MAP3K5: variants seen among roughly 807,000 people sequenced by gnomAD.
MAP3K5 encodes the protein ASK-1.
MAP3K5 carries 56 observed loss-of-function variants against 158.7 expected under a neutral mutation model. That is an observed-to-expected ratio of 0.35 (90% CI 0.28 to 0.44). The LOEUF (loss-of-function observed/expected upper bound fraction) is 0.44. Ranked by LOEUF, MAP3K5 falls within the 20% of genes least tolerant of loss-of-function variation. MAP3K5 has a pLI of 1.00. For missense variants in MAP3K5, 1,294 were observed against 1,674.8 expected (o/e 0.77, Z 3.97); for synonymous variants, 579 against 601.7 (o/e 0.96, Z 0.55).
At chr6:136,673,234 C>CTTTGT (rs1779561232) in intron 7 of MAP3K5, among the ~76,000 whole-genome samples, 1 of 152,188 alleles carries the variant, frequency 6.6e-6, no homozygotes, top group Non-Finnish European at 1.5e-5. Flanking sequence ...CCCGACTCAA[C>CTTTGT]TGCATTTGTT....
At chr6:136,697,446 C>T in intron 4 of MAP3K5, 59 bp from the exon 5 acceptor site, 1 of 1,400,578 alleles carries the variant, frequency 7.1e-7, no homozygotes, top group Non-Finnish European at 9.8e-7. Context: ...CAATGAAAAG[C>T]AATAATTTTA....
intron 8 of MAP3K5, among the ~76,000 whole-genome samples, chr6:136,661,354 C>A (rs999870092): frequency 2.0e-5 from 3 of 152,128 alleles, no homozygotes; most frequent in African/African-American, 7.2e-5. Context: ...AAATATTACA[C>A]ACGCATAGGA....
intron 7 of MAP3K5, among the ~76,000 whole-genome samples, chr6:136,693,700 A>G (rs778622687): frequency 6.6e-6 from 1 of 152,186 alleles, no homozygotes; most frequent in Non-Finnish European, 1.5e-5. Flanking sequence ...CTAAAGTTAT[A>G]AACTCTAAGA....
rs192880783 is a variant in MAP3K5, at chr6:136,572,378, C to T, written c.3518-4504G>A. ...GGTTCAAGTGATTCTCCTGCCTCAG[C>T]CTTCCGAGTAGCTGGGATTACAGGC... On this transcript the variant is annotated intron_variant, in intron 25 of 29. Transcript: ENST00000359015. Among the ~76,000 whole-genome samples, 1,435 of 152,304 alleles carry T rather than the reference C, an allele frequency of 9.4e-3. 5 individuals carry two copies. Among genetic ancestry groups the T allele is most frequent in the Non-Finnish European group, 0.013 (864 of 68,020 alleles).
At position 136,720,522 on chromosome 6, in the gene MAP3K5, T is replaced by C. The variant is rs146066494; in HGVS notation, c.516A>G (p.Arg172=). 1 of 1,613,654 alleles carries C rather than the reference T, an allele frequency of 6.2e-7. No homozygotes were observed. Among genetic ancestry groups the C allele is most frequent in the African/African-American group, 1.3e-5 (1 of 75,000 alleles). The change falls in exon 2 of 30, where the codon AGA becomes AGG. Residue 172 remains arginine (R), a synonymous_variant. Coordinates refer to ENST00000359015, the MANE Select transcript of MAP3K5 (RefSeq NM_005923.4). ...TGTTGTTGGCCATGCTGAAACTTTC[T>C]CTCACCCCAAGGTGGTAAAACAAGG... ...QPSLFYHLGV[R]ESFSMANNII...
At chr6:136,719,807 C>G (rs533117044) in intron 2 of MAP3K5, among the ~76,000 whole-genome samples, 3 of 152,184 alleles carry the variant, frequency 2.0e-5, no homozygotes, top group Non-Finnish European at 4.4e-5. Flanking sequence ...ATTCACTGAA[C>G]TGTGGGATGC....
chr6:136,750,865 A>T (rs1783176193), intron 1 of MAP3K5, among the ~76,000 whole-genome samples: 1 of 152,180 alleles, frequency 6.6e-6, no homozygotes, highest in Non-Finnish European at 1.5e-5. Context: ...ATTTCCACAA[A>T]TATTCCTACT....
chr6:136,614,883 C>T (rs1245134552), intron 15 of MAP3K5, among the ~76,000 whole-genome samples: 1 of 152,140 alleles, frequency 6.6e-6, no homozygotes, highest in Non-Finnish European at 1.5e-5. Flanking sequence ...TCTCTTTGAG[C>T]CCCTTGCGTC....
At chr6:136,586,902 T>C (rs1346614190) in intron 23 of MAP3K5, among the ~76,000 whole-genome samples, 1 of 152,212 alleles carries the variant, frequency 6.6e-6, no homozygotes, top group African/African-American at 2.4e-5. Flanking sequence ...CCTCAAATAT[T>C]AGATTCCAAG....
intron 23 of MAP3K5, among the ~76,000 whole-genome samples, chr6:136,585,753 T>C (rs906748937): frequency 6.6e-6 from 1 of 151,996 alleles, no homozygotes; most frequent in African/African-American, 2.4e-5. Context: ...TGCCTCAGCC[T>C]CCTGAGTGCT....
rs10690202 is a variant in MAP3K5 at position 136,751,150 on chromosome 6, C to CTTTTT, written c.449-30566_449-30562dup. Among the ~76,000 whole-genome samples the CTTTTT allele has an allele frequency of 5.8e-5, 8 of 138,576 alleles. 1 individual carries two copies. The highest frequency in any genetic ancestry group is 2.3e-4 in the South Asian group (1 of 4,262). 90.9% of individuals were successfully genotyped at this position (138,576 alleles called of 152,430 possible). On this transcript the variant is annotated intron_variant, in intron 1 of 29. Transcript: ENST00000359015. ...TCTGCTTCTCTGTGGGCTCTGGCTG[C>CTTTTT]TTTTTTTTTTTTTGGCTTATGATTT...
At chr6:136,572,563 T>G (rs567380135) in intron 25 of MAP3K5, among the ~76,000 whole-genome samples, 53 of 152,334 alleles carry the variant, frequency 3.5e-4, no homozygotes, top group African/African-American at 1.2e-3. Flanking sequence ...AGCCCTAAAC[T>G]GAAAGGTTTG....
rs567913738 is a variant in MAP3K5 at position 136,627,079 on chromosome 6, CT to C, written c.2017-4099del. Among the ~76,000 whole-genome samples the C allele has an allele frequency of 1.8e-4, 28 of 151,982 alleles. No homozygotes were observed. In the South Asian group the frequency reaches 5.4e-3, roughly 29 times the overall value. On this transcript the variant is annotated intron_variant, in intron 14 of 29. Transcript: ENST00000359015. ...TTAATATCCATGGAACATCCATTTG[CT>C]TTTTTTTAGCAGACATCTGGTAGCC... is the stretch of plus-strand genomic sequence containing the variant.
intron 10 of MAP3K5, among the ~76,000 whole-genome samples, chr6:136,652,164 G>A (rs556291897): frequency 2.6e-4 from 40 of 152,166 alleles, no homozygotes; most frequent in Non-Finnish European, 4.9e-4. Flanking sequence ...AACATGAAAT[G>A]CACTCTCAGA....
chr6:136,633,911 A>G (rs1267825082), intron 14 of MAP3K5, among the ~76,000 whole-genome samples: 1 of 152,228 alleles, frequency 6.6e-6, no homozygotes, highest in South Asian at 2.1e-4. Context: ...TGACGCATGT[A>G]TTGAAACAAT....
At chr6:136,649,918 A>G (rs550642905) in intron 11 of MAP3K5, among the ~76,000 whole-genome samples, 50 of 152,330 alleles carry the variant, frequency 3.3e-4, no homozygotes, top group Non-Finnish European at 5.6e-4. Flanking sequence ...CAGTGGTGGG[A>G]TTTGAATCCA....
chr6:136,566,801 C>G (rs973545816), intron 26 of MAP3K5, among the ~76,000 whole-genome samples: 10 of 152,220 alleles, frequency 6.6e-5, no homozygotes, highest in East Asian at 3.8e-4. Context: ...GGTATACAAG[C>G]TTGCCTTTAA....
chr6:136,572,115 G>C (rs1774395932), intron 25 of MAP3K5, among the ~76,000 whole-genome samples: 1 of 151,970 alleles, frequency 6.6e-6, no homozygotes, highest in Non-Finnish European at 1.5e-5. Flanking sequence ...TTCCTACTAG[G>C]GTTATTTGGT....
At chr6:136,642,957 C>T (rs558537734) in intron 11 of MAP3K5, among the ~76,000 whole-genome samples, 1 of 152,214 alleles carries the variant, frequency 6.6e-6, no homozygotes, top group Non-Finnish European at 1.5e-5. Context: ...ATTTGAATAA[C>T]ATCTCGGCAA....
Sources: allele counts gnomAD v4.1 joint callset (sites outside exome capture counted in the v4.1 genomes callset), GRCh38; gene constraint gnomAD v4.1.1; transcripts MANE v1.5; gene names NCBI Gene and HGNC (gene_info 2026-07-23, HGNC 2026-07-21).